The following EMSY variants were observed in gnomAD, a reference collection of about 807,000 sequenced individuals.
The protein encoded by EMSY is BRCA2-interacting transcriptional repressor EMSY.
A neutral mutation model predicts 134.6 loss-of-function variants in EMSY; 26 were observed. The ratio of observed to expected loss-of-function variants is 0.19; its 90% confidence interval spans 0.14 to 0.27. The LOEUF is 0.27. Among genes scored for constraint, EMSY ranks in the 10% least tolerant of loss-of-function variants. The probability of loss-of-function intolerance (pLI) is 1.00; values close to 1 mark genes in which losing one functional copy is unlikely to be tolerated. For missense variants in EMSY, 1,305 were observed against 1,611.4 expected (o/e 0.81, Z 3.26); for synonymous variants, 579 against 577.8 (o/e 1.00, Z -0.03).
At chr11:76,483,049 ATC>A (rs1283054301) in intron 8 of EMSY, among the ~76,000 whole-genome samples, 3 of 152,216 alleles carry the variant, frequency 2.0e-5, no homozygotes, top group African/African-American at 7.2e-5. Flanking sequence ...CTAACAGCGG[ATC>A]TCTCTGCAGA....
intron 8 of EMSY, among the ~76,000 whole-genome samples, chr11:76,494,088 G>A (rs763976449): frequency 6.6e-6 from 1 of 152,244 alleles, no homozygotes; most frequent in South Asian, 2.1e-4. Context: ...CCGCAGCCTC[G>A]CATGGAGCTT....
At chr11:76,445,462 A>T (rs2134624091) in intron 1 of EMSY, among the ~76,000 whole-genome samples, 1 of 151,148 alleles carries the variant, frequency 6.6e-6, no homozygotes, top group East Asian at 1.9e-4. Flanking sequence ...ACTGGCCCAG[A>T]GGGGCTTGGG....
intron 18 of EMSY, among the ~76,000 whole-genome samples, chr11:76,543,316 A>G (rs2508745): frequency 0.99 from 151,000 of 152,338 alleles, 74,842 homozygotes; most frequent in East Asian, 1. Flanking sequence ...TGGTATAGGG[A>G]AGAGTCACAA....
intron 9 of EMSY, among the ~76,000 whole-genome samples, chr11:76,507,335 A>G (rs932526076): frequency 4.6e-5 from 7 of 152,194 alleles, no homozygotes; most frequent in African/African-American, 1.7e-4. Flanking sequence ...AGTTGGCTGC[A>G]TGGATTGATT....
At chr11:76,540,296 T>C (rs958095065) in intron 17 of EMSY, among the ~76,000 whole-genome samples, 2 of 152,172 alleles carry the variant, frequency 1.3e-5, no homozygotes, top group Non-Finnish European at 1.5e-5. Context: ...AAAATATTAA[T>C]TTGCTTAATT....
intron 8 of EMSY, among the ~76,000 whole-genome samples, chr11:76,474,388 G>A (rs187823102): frequency 1.3e-5 from 2 of 152,292 alleles, no homozygotes; most frequent in Admixed American, 6.5e-5. Context: ...TGAGTTTTAT[G>A]TGAATAATAT....
intron 8 of EMSY, among the ~76,000 whole-genome samples, chr11:76,490,945 C>A (rs1949395843): frequency 6.6e-6 from 1 of 152,050 alleles, no homozygotes; most frequent in Non-Finnish European, 1.5e-5. Context: ...CATCCAATTT[C>A]AATCAAACAT....
At chr11:76,522,323 G>A (rs1950670073) in intron 11 of EMSY, among the ~76,000 whole-genome samples, 1 of 130,210 alleles carries the variant, frequency 7.7e-6, no homozygotes, top group Admixed American at 8.1e-5. Flanking sequence ...CATTGAATCT[G>A]TGACTTGTTT....
exon 10 of EMSY, chr11:76,513,532 A>C (rs1247627114): frequency 6.2e-7 from 1 of 1,612,770 alleles, no homozygotes. Flanking sequence ...AACCACTCCT[A>C]CTGGTAAGTT....
At chr11:76,543,937 G>A (rs564996083) in intron 18 of EMSY, among the ~76,000 whole-genome samples, 1 of 152,278 alleles carries the variant, frequency 6.6e-6, no homozygotes, top group Non-Finnish European at 1.5e-5. Context: ...TAGGCCAGAC[G>A]GCTGTTTCCT....
At chr11:76,473,045 G>T (rs919831517) in intron 8 of EMSY, among the ~76,000 whole-genome samples, 7 of 152,136 alleles carry the variant, frequency 4.6e-5, no homozygotes, top group Admixed American at 2.0e-4. Flanking sequence ...AAGTTGTTTT[G>T]CACAATACCT....
At chr11:76,458,706 T>C (rs1267961034) in intron 5 of EMSY, 1 of 168,232 alleles carries the variant, frequency 5.9e-6, no homozygotes, top group Admixed American at 6.2e-5. Context: ...TAAAAAATGA[T>C]TCTGAACTGA....
intron 9 of EMSY, among the ~76,000 whole-genome samples, chr11:76,498,226 G>A (rs1407646803): frequency 1.3e-5 from 2 of 152,086 alleles, no homozygotes; most frequent in African/African-American, 2.4e-5. Context: ...ATTGAGGTTT[G>A]TTTCTTCACC....
chr11:76,539,775 A>AT (rs1385629059), intron 17 of EMSY, 135 bp downstream of exon 18: 1 of 850,106 alleles, frequency 1.2e-6, no homozygotes, highest in Non-Finnish European at 1.9e-6. Flanking sequence ...AGGAAGAGAG[A>AT]TTTTTCTTTT....
chr11:76,518,684 C>CGCATAT (rs1950535826), intron 11 of EMSY, among the ~76,000 whole-genome samples: 1 of 121,646 alleles, frequency 8.2e-6, no homozygotes, highest in Non-Finnish European at 1.7e-5. Context: ...TGTGTGCGCG[C>CGCATAT]ATATATATAT....
intron 3 of EMSY, among the ~76,000 whole-genome samples, chr11:76,453,044 G>A (rs968871002): frequency 3.3e-5 from 5 of 152,080 alleles, no homozygotes; most frequent in African/African-American, 1.2e-4. Context: ...TCTGAGATTT[G>A]GAAGTAATAC....
At chr11:76,464,735 G>C (rs1363755873) in intron 7 of EMSY, among the ~76,000 whole-genome samples, 1 of 152,026 alleles carries the variant, frequency 6.6e-6, no homozygotes, top group African/African-American at 2.4e-5. Context: ...TGCTTATTTT[G>C]CCAGAGCATA....
chr11:76,542,885 A>G (rs999629962), intron 18 of EMSY, among the ~76,000 whole-genome samples: 4 of 152,092 alleles, frequency 2.6e-5, no homozygotes, highest in Admixed American at 6.6e-5. Flanking sequence ...AGTTGAGAAT[A>G]TAAATCTAAT....
chr11:76,544,734 C>T lies in EMSY; in HGVS notation c.3185C>T (p.Pro1062Leu), dbSNP rs761146250. 1.2e-5 allele frequency: 20 copies of T among 1,613,990 alleles called. No homozygotes were observed. In the Admixed American group the frequency reaches 1.3e-4, roughly 11 times the overall value. ...CAGCTCCCTAAACTGCAGCAGGCTC[C>T]GAACCAACCAAAAATCTACGTGCAA... is the stretch of plus-strand genomic sequence containing the variant. The change falls in exon 19 of 21, where the codon CCG becomes CTG. Residue 1062 changes from proline to leucine, a missense_variant. Pro to Leu is a moderately conservative substitution (Grantham distance 98, BLOSUM62 -3). Coordinates refer to ENST00000334736, the Ensembl canonical transcript of EMSY.
Sources: allele counts gnomAD v4.1 joint callset (sites outside exome capture counted in the v4.1 genomes callset), GRCh38; gene constraint gnomAD v4.1.1; transcripts MANE v1.5; gene names NCBI Gene and HGNC (gene_info 2026-07-23, HGNC 2026-07-21).